DDX6: variants seen among roughly 807,000 people sequenced by gnomAD.
DDX6 encodes the protein probable ATP-dependent RNA helicase DDX6.
A neutral mutation model predicts 60.6 loss-of-function variants in DDX6; 7 were observed. The observed-to-expected ratio is 0.12, with a 90% CI of 0.07 to 0.22. The LOEUF (loss-of-function observed/expected upper bound fraction) is 0.22. DDX6 is among the 10% of genes least tolerant of loss of function. The pLI is 1.00. For synonymous variants in DDX6, 207 were observed against 201.0 expected (o/e 1.03, Z -0.25); for missense variants, 270 against 589.9 (o/e 0.46, Z 5.62).
intron 5 of DDX6, among the ~76,000 whole-genome samples, chr11:118,767,227 C>T (rs768973928): frequency 2.0e-5 from 3 of 152,112 alleles, no homozygotes; most frequent in Non-Finnish European, 4.4e-5. Flanking sequence ...ATGTTGAGTT[C>T]GCAACTATTA....
intron 1 of DDX6, 59 bp downstream of exon 1, chr11:118,791,039 C>G (rs1862261152): frequency 6.6e-6 from 1 of 151,040 alleles, no homozygotes; most frequent in Non-Finnish European, 1.5e-5. Context: ...CCGCCCCGCT[C>G]CGAGGGGCGC....
chr11:118,773,504 A>G (rs1790187), intron 4 of DDX6, among the ~76,000 whole-genome samples: 131,196 of 152,116 alleles, frequency 0.86, 56,784 homozygotes, highest in East Asian at 1. Flanking sequence ...CCCAGGAGGC[A>G]GAACTTGCAG....
intron 4 of DDX6, among the ~76,000 whole-genome samples, chr11:118,777,263 C>T (rs1555163755): frequency 6.6e-6 from 1 of 152,118 alleles, no homozygotes; most frequent in Non-Finnish European, 1.5e-5. Flanking sequence ...TGAAAAAGTA[C>T]TCAGTGATGT....
At chr11:118,759,069 T>G in intron 8 of DDX6, 167 bp from the exon 9 acceptor site, 9 of 897,176 alleles carry the variant, frequency 1.0e-5, no homozygotes, top group Non-Finnish European at 1.4e-5. Flanking sequence ...ATTTCCCCCC[T>G]GCCACCCTGA....
intron 9 of DDX6, among the ~76,000 whole-genome samples, chr11:118,758,363 AT>A (rs1488545875): frequency 1.3e-5 from 2 of 151,956 alleles, no homozygotes; most frequent in African/African-American, 2.4e-5. Context: ...ACTATGAATT[AT>A]TTTTTAATCT....
In DDX6 at chr11:118,757,290, G is replaced by A. The variant is rs781923634; in HGVS notation, c.994-3C>T. 9 of 1,491,110 alleles carry A rather than the reference G, an allele frequency of 6.0e-6. No individual in the cohort carries two copies. Among genetic ancestry groups the A allele is most frequent in the Non-Finnish European group, 8.1e-6 (9 of 1,112,862 alleles). The allele number at this position is 1,491,110 out of a possible 1,614,324, so 92.4% of individuals were successfully genotyped here. A position where few individuals can be genotyped will look rare whatever the true frequency, so the allele number is the denominator to read the frequency against. The stretch of plus-strand genomic sequence containing the variant: ...ATGATCGACTGGTTTATCTGAAGCT[G>A]AGCACAGAAAAAAATAAGTATGAGA... On this transcript the variant is annotated splice_polypyrimidine_tract_variant and splice_region_variant and intron_variant, in intron 9 of 13. Transcript: ENST00000534980.
intron 11 of DDX6, among the ~76,000 whole-genome samples, chr11:118,755,909 T>C (rs1291519192): frequency 6.6e-6 from 1 of 151,716 alleles, no homozygotes; most frequent in Admixed American, 6.6e-5. Context: ...TCCCAGCTAC[T>C]TGGGAGGCTG....
intron 4 of DDX6, among the ~76,000 whole-genome samples, chr11:118,775,856 T>C (rs1861680310): frequency 1.3e-5 from 2 of 152,162 alleles, no homozygotes; most frequent in Admixed American, 6.6e-5. Flanking sequence ...CTGGGCTAAG[T>C]GCAGTGGTTC....
chr11:118,754,137 A>G (rs1860882016), intron 13 of DDX6, among the ~76,000 whole-genome samples: 1 of 152,144 alleles, frequency 6.6e-6, no homozygotes, highest in Non-Finnish European at 1.5e-5. Flanking sequence ...AACTGTCAAA[A>G]AAGGCCAGGC....
intron 2 of DDX6, among the ~76,000 whole-genome samples, chr11:118,782,299 T>C (rs1026588859): frequency 6.6e-6 from 1 of 152,228 alleles, no homozygotes; most frequent in Non-Finnish European, 1.5e-5. Flanking sequence ...AATCTTTCTT[T>C]TTTATTGGAA....
chr11:118,754,958 A>T, intron 12 of DDX6, 71 bp from the exon 13 acceptor site: 3 of 1,354,884 alleles, frequency 2.2e-6, no homozygotes, highest in Non-Finnish European at 1.0e-6. Flanking sequence ...CAAGTCAAGC[A>T]GTGGCAAAAC....
At chr11:118,758,948 G>C (rs2137431521) in intron 8 of DDX6, 46 bp from the exon 9 acceptor site, 1 of 1,608,482 alleles carries the variant, frequency 6.2e-7, no homozygotes. Flanking sequence ...TTAAATGAAA[G>C]CAGAGTTCAT....
rs185228198 is a variant in DDX6 at position 118,748,832 on chromosome 11, T to C, written c.*3273A>G. Reference sequence around the variant, plus strand: ...TTTATACTCAAGGCTTTGTGCTGAGTTGTCGTTTGAACCAAGCATGATGTT... The same window carrying C: ...TTTATACTCAAGGCTTTGTGCTGAGCTGTCGTTTGAACCAAGCATGATGTT... On this transcript the variant is annotated 3_prime_UTR_variant, in exon 14 of 14. Coordinates refer to ENST00000534980, the MANE Select transcript of DDX6 (RefSeq NM_004397.6). 4.6e-5 allele frequency: 7 copies of C among 151,548 alleles called. No homozygotes were observed. The highest frequency in any genetic ancestry group is 7.4e-5 in the Non-Finnish European group (5 of 67,946). 9.4% of individuals were successfully genotyped at this position (151,548 alleles called of 1,614,324 possible).
rs1012568684 is a variant in DDX6, at chr11:118,748,982, C to G, written c.*3123G>C. On this transcript the variant is annotated 3_prime_UTR_variant, in exon 14 of 14. Transcript: ENST00000534980. ...CATTTTATGCTGCTGGGACCAACTT[C>G]AAACAATTTAGAGGTATATTTAGGT... 1 of 152,176 alleles carries G rather than the reference C, an allele frequency of 6.6e-6. No individual in the cohort carries two copies. Among genetic ancestry groups the G allele is most frequent in the African/African-American group, 2.4e-5 (1 of 41,426 alleles). 9.4% of individuals were successfully genotyped at this position (152,176 alleles called of 1,614,324 possible).
chr11:118,768,413 C>A, intron 4 of DDX6, 61 bp from the exon 5 acceptor site: 2 of 1,551,182 alleles, frequency 1.3e-6, no homozygotes, highest in South Asian at 2.2e-5. Context: ...AAATTCCTCT[C>A]TGAAATACAC....
intron 1 of DDX6, among the ~76,000 whole-genome samples, chr11:118,790,622 C>T (rs1438045787): frequency 6.6e-6 from 1 of 152,152 alleles, no homozygotes; most frequent in East Asian, 1.9e-4. Context: ...CATATTCCCT[C>T]ATCTTCGATA....
At chr11:118,764,156 TAA>T (rs1158242082) in intron 6 of DDX6, among the ~76,000 whole-genome samples, 4 of 152,118 alleles carry the variant, frequency 2.6e-5, no homozygotes, top group Non-Finnish European at 5.9e-5. Context: ...TCAAACAAGA[TAA>T]TTTTTTAAAA....
intron 10 of DDX6, 88 bp from the exon 11 acceptor site, chr11:118,756,411 A>C: frequency 9.6e-7 from 1 of 1,044,328 alleles, no homozygotes; most frequent in Non-Finnish European, 1.5e-6. Flanking sequence ...GATCAGTTCT[A>C]CCCAAAATCT....
At chr11:118,781,790 T>C (rs1861908733) in intron 2 of DDX6, among the ~76,000 whole-genome samples, 1 of 151,592 alleles carries the variant, frequency 6.6e-6, no homozygotes. Context: ...TAGCCAGGCA[T>C]GGTGGGACAC....
Sources: allele counts gnomAD v4.1 joint callset (sites outside exome capture counted in the v4.1 genomes callset), GRCh38; gene constraint gnomAD v4.1.1; transcripts MANE v1.5; gene names NCBI Gene and HGNC (gene_info 2026-07-23, HGNC 2026-07-21).